The following FMN2 variants were observed in gnomAD, a reference collection of about 807,000 sequenced individuals.
FMN2 encodes formin-2.
In FMN2, 51 loss-of-function variants were observed where a neutral mutation model predicts 142.3. The observed-to-expected ratio is 0.36, with a 90% CI of 0.29 to 0.45. FMN2 has a LOEUF of 0.45. Ranked by LOEUF, FMN2 falls within the 20% of genes least tolerant of loss-of-function variation. The pLI is 1.00. For synonymous variants in FMN2, 882 were observed against 869.8 expected (o/e 1.01, Z -0.25); for missense variants, 1,936 against 2,122.8 (o/e 0.91, Z 1.73).
intron 16 of FMN2, among the ~76,000 whole-genome samples, chr1:240,448,826 AAAT>A (rs1675911079): frequency 3.3e-5 from 5 of 152,104 alleles, no homozygotes; most frequent in Admixed American, 3.3e-4. Context: ...GTTTTAAAAA[AAAT>A]AGTAATTCAA....
rs1421153075 is a variant in FMN2 at position 240,153,486 on chromosome 1, A to G, written c.1783-24435A>G. ...AGTGATCTCCCACCTAAACCTCTCTAGTAGCTGGTACCACAGGTGCATGCC... is the reference window on the plus strand; with the variant it reads ...AGTGATCTCCCACCTAAACCTCTCTGGTAGCTGGTACCACAGGTGCATGCC... On this transcript the variant is annotated intron_variant, in intron 2 of 17. Coordinates refer to ENST00000319653, the MANE Select transcript of FMN2 (RefSeq NM_020066.5). Among the ~76,000 whole-genome samples the G allele has an allele frequency of 2.0e-5, 3 of 147,202 alleles. No homozygotes were observed. In the South Asian group the frequency reaches 6.4e-4, roughly 31 times the overall value.
At chr1:240,315,444 G>A (rs924795199) in intron 8 of FMN2, among the ~76,000 whole-genome samples, 2 of 152,166 alleles carry the variant, frequency 1.3e-5, no homozygotes, top group African/African-American at 4.8e-5. Flanking sequence ...GGAATAAATA[G>A]TCAACTCTCT....
intron 5 of FMN2, among the ~76,000 whole-genome samples, chr1:240,209,604 C>T (rs115182409): frequency 1.4e-3 from 214 of 150,910 alleles, no homozygotes; most frequent in African/African-American, 4.8e-3. Context: ...TTAGTGCACA[C>T]TTTAAAATGC....
At chr1:240,302,762 G>A (rs997006897) in intron 8 of FMN2, among the ~76,000 whole-genome samples, 2 of 151,880 alleles carry the variant, frequency 1.3e-5, no homozygotes, top group African/African-American at 4.8e-5. Flanking sequence ...TCCAACACTT[G>A]GGTCTAGTCA....
chr1:240,177,451 C>T lies in FMN2; in HGVS notation c.1783-470C>T, dbSNP rs191496901. Among the ~76,000 whole-genome samples the T allele has an allele frequency of 2.4e-4, 36 of 151,404 alleles. 1 individual carries two copies. The highest frequency in any genetic ancestry group is 8.7e-4 in the African/African-American group (36 of 41,206). On this transcript the variant is annotated intron_variant, in intron 2 of 17. Transcript: ENST00000319653. ...CCTGGACCCCAGATAAGTCGGTTTC[C>T]TGGGCCTTTTGTGGTTGAAGGCACG... is the stretch of plus-strand genomic sequence containing the variant.
chr1:240,214,027 G>A (rs545173111), intron 6 of FMN2, among the ~76,000 whole-genome samples: 29 of 152,256 alleles, frequency 1.9e-4, no homozygotes, highest in Admixed American at 1.8e-3. Context: ...TTAAGACAAA[G>A]CATTTTATAC....
chr1:240,261,847 C>T (rs1246645655), intron 7 of FMN2, among the ~76,000 whole-genome samples: 2 of 152,066 alleles, frequency 1.3e-5, no homozygotes, highest in Non-Finnish European at 2.9e-5. Flanking sequence ...TCAAACTGGC[C>T]TACAGTTATA....
intron 2 of FMN2, among the ~76,000 whole-genome samples, chr1:240,164,684 TAAC>T (rs1376547165): frequency 6.6e-6 from 1 of 152,212 alleles, no homozygotes; most frequent in African/African-American, 2.4e-5. Context: ...ACTAACTTCT[TAAC>T]AAAAATAATC....
intron 11 of FMN2, among the ~76,000 whole-genome samples, chr1:240,331,565 A>T (rs894884382): frequency 1.3e-5 from 2 of 152,202 alleles, no homozygotes; most frequent in African/African-American, 4.8e-5. Context: ...AATATGTAGG[A>T]CTGTCCTTCC....
intron 2 of FMN2, among the ~76,000 whole-genome samples, chr1:240,173,009 C>A (rs1664770984): frequency 6.6e-6 from 1 of 151,808 alleles, no homozygotes; most frequent in Non-Finnish European, 1.5e-5. Flanking sequence ...GATCTTGGCT[C>A]ACTGCAACCT....
intron 7 of FMN2, among the ~76,000 whole-genome samples, chr1:240,286,709 T>G (rs1028214715): frequency 2.0e-5 from 3 of 149,358 alleles, no homozygotes; most frequent in Non-Finnish European, 4.4e-5. Flanking sequence ...GCCATCTTAA[T>G]CAGAGATGCT....
intron 4 of FMN2, 34 bp from the exon 5 acceptor site, chr1:240,206,765 A>T: frequency 1.3e-6 from 2 of 1,568,326 alleles, no homozygotes; most frequent in East Asian, 2.3e-5. Context: ...TCCTTATTTC[A>T]TAACTAACTG....
chr1:240,149,486 G>A (rs1335127562), intron 2 of FMN2, among the ~76,000 whole-genome samples: 2 of 152,156 alleles, frequency 1.3e-5, no homozygotes, highest in African/African-American at 4.8e-5. Context: ...TTATTGCAGT[G>A]TTGATTTTTA....
At chr1:240,266,640 C>G (rs376821369) in intron 7 of FMN2, among the ~76,000 whole-genome samples, 4 of 152,052 alleles carry the variant, frequency 2.6e-5, no homozygotes, top group African/African-American at 7.2e-5. Context: ...GATTCTAAAT[C>G]TTTGCTATTG....
chr1:240,409,415 A>T (rs550443660), intron 15 of FMN2, among the ~76,000 whole-genome samples: 5 of 152,278 alleles, frequency 3.3e-5, no homozygotes, highest in South Asian at 2.1e-4. Context: ...AAGTGCAGGG[A>T]TTACAGGTGT....
chr1:240,122,083 T>C (rs114224548), intron 1 of FMN2, among the ~76,000 whole-genome samples: 3 of 142,598 alleles, frequency 2.1e-5, no homozygotes, highest in African/African-American at 8.5e-5. Flanking sequence ...TTAATTTATT[T>C]ATTTATTTAT....
At chr1:240,263,140 C>G (rs571033503) in intron 7 of FMN2, among the ~76,000 whole-genome samples, 1 of 152,254 alleles carries the variant, frequency 6.6e-6, no homozygotes, top group African/African-American at 2.4e-5. Context: ...TGAACCCTCC[C>G]CCACACACAG....
intron 2 of FMN2, among the ~76,000 whole-genome samples, chr1:240,162,145 CAA>C (rs914638536): frequency 7.3e-6 from 1 of 136,174 alleles, no homozygotes; most frequent in Non-Finnish European, 1.6e-5. Flanking sequence ...AAAAAAAAAA[CAA>C]AAAATTGTCA....
At chr1:240,465,646 C>T (rs1287604947) in intron 16 of FMN2, among the ~76,000 whole-genome samples, 2 of 152,156 alleles carry the variant, frequency 1.3e-5, no homozygotes, top group Non-Finnish European at 1.5e-5. Flanking sequence ...TTCCAGCAAG[C>T]CGAGCTGCAG....
Sources: allele counts gnomAD v4.1 joint callset (sites outside exome capture counted in the v4.1 genomes callset), GRCh38; gene constraint gnomAD v4.1.1; transcripts MANE v1.5; gene names NCBI Gene and HGNC (gene_info 2026-07-23, HGNC 2026-07-21).